TNRC6B: variants seen among roughly 807,000 people sequenced by gnomAD.
The protein encoded by TNRC6B is trinucleotide repeat-containing gene 6B protein.
In TNRC6B, 52 loss-of-function variants were observed where a neutral mutation model predicts 203.6. That is an observed-to-expected ratio of 0.26 (90% CI 0.20 to 0.32). TNRC6B has a LOEUF of 0.32. TNRC6B is among the 10% of genes least tolerant of loss of function. TNRC6B has a pLI of 1.00. For synonymous variants in TNRC6B, 838 were observed against 845.7 expected (o/e 0.99, Z 0.16); for missense variants, 1,923 against 2,286.2 (o/e 0.84, Z 3.24).
rs1260934915 is a variant in TNRC6B, at chr22:40,280,045, G to A, written c.3313G>A (p.Gly1105Arg). 2.5e-6 allele frequency: 4 copies of A among 1,613,826 alleles called. No individual in the cohort carries two copies. Among genetic ancestry groups the A allele is most frequent in the Admixed American group, 1.7e-5 (1 of 60,010 alleles). Reference protein sequence around the residue: ...FDVDKRAMNLGDFNDIMRKDR... With the variant: ...FDVDKRAMNLRDFNDIMRKDR... ...TGTGGACAAGCGAGCGATGAATCTC[G>A]GGGATTTTAATGATATCATGAGGAA... The change falls in exon 10 of 23, where the codon GGG (glycine) becomes AGG (arginine). Residue 1105 changes from glycine (G) to arginine (R), a missense_variant. Physicochemically the swap from Gly to Arg is moderately radical, Grantham distance 125. Transcript: ENST00000454349.
chr22:40,313,108 T>A, intron 19 of TNRC6B, 111 bp downstream of exon 19: 1 of 823,584 alleles, frequency 1.2e-6, no homozygotes, highest in Non-Finnish European at 2.0e-6. Flanking sequence ...AGAAGTTCAG[T>A]AGCATAGGTC....
chr22:40,165,165 A>T (rs1243169217), intron 4 of TNRC6B, among the ~76,000 whole-genome samples: 2 of 140,170 alleles, frequency 1.4e-5, no homozygotes, highest in Non-Finnish European at 3.0e-5. Flanking sequence ...ATTTGGGCTC[A>T]CTCAAGCCTC....
At chr22:40,070,996 C>T (rs2146280125) in intron 1 of TNRC6B, among the ~76,000 whole-genome samples, 1 of 152,276 alleles carries the variant, frequency 6.6e-6, no homozygotes, top group Non-Finnish European at 1.5e-5. Context: ...CAATGAATTC[C>T]AGAAAAGTTT....
In TNRC6B at chr22:40,323,309, C is replaced by T. The variant is rs1156550587; in HGVS notation, c.*68C>T. 7.6e-6 allele frequency: 11 copies of T among 1,452,390 alleles called. 1 individual carries two copies. The highest frequency in any genetic ancestry group is 4.2e-5 in the South Asian group (3 of 70,794). The allele number at this position is 1,452,390 out of a possible 1,614,324, so 90.0% of individuals were successfully genotyped here. On this transcript the variant is annotated 3_prime_UTR_variant, in exon 23 of 23. Transcript: ENST00000454349. ...AGCAGCAGCACTAACTTGACCTTTT[C>T]GTTTTTTTTTTCAACTTGCAATAAA...
At chr22:40,150,021 G>C (rs751372362) in intron 3 of TNRC6B, among the ~76,000 whole-genome samples, 3 of 113,848 alleles carry the variant, frequency 2.6e-5, no homozygotes, top group African/African-American at 4.5e-5. Flanking sequence ...TTTCGGTGGG[G>C]TGGAAAAAGT....
In TNRC6B at chr22:40,128,586, A is replaced by G. The variant is rs150266920; in HGVS notation, c.45+2724A>G. 4.7e-4 allele frequency among the ~76,000 whole-genome samples: 70 copies of G among 149,864 alleles called. No homozygotes were observed. In the East Asian group the frequency reaches 9.7e-3, roughly 21 times the overall value. On this transcript the variant is annotated intron_variant, in intron 3 of 23. Transcript: ENST00000301923. Reference sequence around the variant, plus strand: ...TCACGGCTCACGGCTCACAGCTCACAGCTCACAGCTCACTGCAGCCTCAAC... The same window carrying G: ...TCACGGCTCACGGCTCACAGCTCACGGCTCACAGCTCACTGCAGCCTCAAC...
chr22:40,200,598 A>G (rs2069399984), intron 1 of TNRC6B, among the ~76,000 whole-genome samples: 1 of 152,048 alleles, frequency 6.6e-6, no homozygotes, highest in Admixed American at 6.6e-5. Context: ...AAAAAGTAAT[A>G]TTCTTGCCTA....
At chr22:40,077,240 A>G (rs75473529) in intron 1 of TNRC6B, among the ~76,000 whole-genome samples, 6,705 of 152,108 alleles carry the variant, frequency 0.044, 445 homozygotes, top group African/African-American at 0.14. Flanking sequence ...TGCATAGGTT[A>G]TCTCTCCCAT....
Position 40,332,672 on chromosome 22 carries a change from AAAC to A in TNRC6B, c.*9437_*9439del, listed in dbSNP as rs781592326. On this transcript the variant is annotated 3_prime_UTR_variant, in exon 23 of 23. Transcript: ENST00000454349. ...CTGTTAGATTGCCTTTAAACAAAAA[AAAC>A]AACAAAAAAATAAAATCCTGACGTT... The A allele has an allele frequency of 1.3e-5, 2 of 152,536 alleles. No homozygotes were observed. The highest frequency in any genetic ancestry group is 4.8e-5 in the African/African-American group (2 of 41,424). The allele number at this position is 152,536 out of a possible 1,614,324, so 9.4% of individuals were successfully genotyped here. A position where few individuals can be genotyped will look rare whatever the true frequency, so the allele number is the denominator to read the frequency against.
At chr22:40,201,466 C>T (rs1404896709) in intron 1 of TNRC6B, among the ~76,000 whole-genome samples, 1 of 151,002 alleles carries the variant, frequency 6.6e-6, no homozygotes, top group East Asian at 1.9e-4. Flanking sequence ...GACAGGGTCT[C>T]ACTCTGTCAC....
chr22:40,051,699 G>C (rs1416036131), intron 1 of TNRC6B, among the ~76,000 whole-genome samples: 1 of 152,164 alleles, frequency 6.6e-6, no homozygotes, highest in Admixed American at 6.5e-5. Context: ...TTCTGGACTA[G>C]CACTGTCCAA....
chr22:40,220,930 G>T (rs1022053603), intron 1 of TNRC6B, among the ~76,000 whole-genome samples: 1 of 152,224 alleles, frequency 6.6e-6, no homozygotes, highest in Non-Finnish European at 1.5e-5. Flanking sequence ...GCTGAAGCCG[G>T]CATGTGGGGG....
At chr22:40,202,018 AG>A (rs1426532042) in intron 1 of TNRC6B, among the ~76,000 whole-genome samples, 4 of 152,176 alleles carry the variant, frequency 2.6e-5, no homozygotes, top group Admixed American at 1.3e-4. Context: ...CAGGTTTGAA[AG>A]GGTCACGTAA....
At chr22:40,122,203 T>G (rs1416064494) in intron 2 of TNRC6B, among the ~76,000 whole-genome samples, 4 of 152,210 alleles carry the variant, frequency 2.6e-5, no homozygotes, top group African/African-American at 9.6e-5. Context: ...AAAGCTTATA[T>G]GCAGCGAGAA....
At chr22:40,073,094 A>C (rs1436807448) in intron 1 of TNRC6B, among the ~76,000 whole-genome samples, 2 of 142,174 alleles carry the variant, frequency 1.4e-5, no homozygotes, top group African/African-American at 5.3e-5. Flanking sequence ...TCACTCCCAG[A>C]CTCCTATCCC....
In TNRC6B at chr22:40,156,222, C is replaced by G. The variant is rs1460418431; in HGVS notation, c.113+40C>G. On this transcript the variant is annotated intron_variant, in intron 4 of 23. Transcript: ENST00000301923. ...ATTTAAAAAGAGTCCTATTACAGATCCTCGGAAACACTTTGGTTCAACATG... is the reference window on the plus strand; with the variant it reads ...ATTTAAAAAGAGTCCTATTACAGATGCTCGGAAACACTTTGGTTCAACATG... 4.5e-6 allele frequency: 7 copies of G among 1,540,224 alleles called. No homozygotes were observed. The African/African-American group carries it at 6.8e-5, about 15-fold the overall frequency.
chr22:40,053,824 A>T (rs777451583), intron 1 of TNRC6B, among the ~76,000 whole-genome samples: 19 of 152,246 alleles, frequency 1.2e-4, no homozygotes, highest in Admixed American at 2.6e-4. Context: ...CTGTAGTGAG[A>T]ATAATCTTTT....
At chr22:40,270,312 CCT>C in intron 6 of TNRC6B, 32 bp downstream of exon 6, 2 of 1,299,058 alleles carry the variant, frequency 1.5e-6, no homozygotes, top group South Asian at 2.2e-5. Flanking sequence ...TTTGAGGGAT[CCT>C]TTTTTTTTTT....
intron 12 of TNRC6B, 49 bp downstream of exon 12, chr22:40,285,819 TCATTACCAGTTG>T (rs1275809269): frequency 6.2e-7 from 1 of 1,602,350 alleles, no homozygotes; most frequent in Non-Finnish European, 8.5e-7. Flanking sequence ...CCATTTCACA[TCATTACCAGTTG>T]TTAACTGATT....
Sources: allele counts gnomAD v4.1 joint callset (sites outside exome capture counted in the v4.1 genomes callset), GRCh38; gene constraint gnomAD v4.1.1; transcripts MANE v1.5; gene names NCBI Gene and HGNC (gene_info 2026-07-23, HGNC 2026-07-21).